Variants in SCHIP1 observed in about 807,000 individuals in gnomAD.
SCHIP1 encodes schwannomin-interacting protein 1.
Under a neutral mutation model 29.7 loss-of-function variants are expected in SCHIP1, and 8 were observed. The observed-to-expected ratio is 0.27, with a 90% CI of 0.16 to 0.49. SCHIP1 has a LOEUF of 0.49. Ranked by LOEUF, SCHIP1 falls within the 20% of genes least tolerant of loss-of-function variation. The pLI is 0.99. For synonymous variants in SCHIP1, 76 were observed against 94.9 expected (o/e 0.80, Z 1.16); for missense variants, 193 against 294.6 (o/e 0.66, Z 2.52).
At chr3:159,491,824 A>C in the SCHIP1 span, among the ~76,000 whole-genome samples, 1 of 152,184 alleles carries the variant, frequency 6.6e-6, no homozygotes, top group Admixed American at 6.5e-5. Flanking sequence ...CCCTGACCCC[A>C]AGTAGCCTAA....
chr3:159,853,571 A>C, intron 1 of SCHIP1: 1 of 502,400 alleles, frequency 2.0e-6, no homozygotes, highest in Non-Finnish European at 3.5e-6. Context: ...GCCATAATAT[A>C]GTCAGGAAAA....
At chr3:159,386,329 T>C in the SCHIP1 span, among the ~76,000 whole-genome samples, 4 of 152,142 alleles carry the variant, frequency 2.6e-5, no homozygotes, top group Non-Finnish European at 5.9e-5. Context: ...ACAAGAGATG[T>C]GAAGGACCTC....
the SCHIP1 span, among the ~76,000 whole-genome samples, chr3:159,776,093 A>G: frequency 4.6e-5 from 7 of 152,220 alleles, no homozygotes; most frequent in African/African-American, 7.2e-5. Flanking sequence ...CTGGTACAGT[A>G]TCATCTTAGA....
chr3:159,785,584 T>G, the SCHIP1 span, among the ~76,000 whole-genome samples: 2 of 151,810 alleles, frequency 1.3e-5, no homozygotes, highest in Non-Finnish European at 2.9e-5. Flanking sequence ...TGTTGGTTTT[T>G]TTTTTTTTTT....
chr3:159,402,817 A>G, the SCHIP1 span, among the ~76,000 whole-genome samples: 1 of 152,108 alleles, frequency 6.6e-6, no homozygotes, highest in African/African-American at 2.4e-5. Context: ...GCATTAGGAG[A>G]TATACCTAAT....
chr3:159,526,878 T>G, the SCHIP1 span, among the ~76,000 whole-genome samples: 4 of 152,178 alleles, frequency 2.6e-5, no homozygotes, highest in Non-Finnish European at 1.5e-5. Context: ...CTGCTCAGTG[T>G]AGACTGGTGG....
At chr3:159,626,105 G>T in the SCHIP1 span, among the ~76,000 whole-genome samples, 4,829 of 109,998 alleles carry the variant, frequency 0.044, 682 homozygotes, top group African/African-American at 0.28. Context: ...TAGATAGATA[G>T]ATAGATAGAT....
the SCHIP1 span, among the ~76,000 whole-genome samples, chr3:159,786,710 C>CTG: frequency 0.015 from 2,184 of 143,192 alleles, 30 homozygotes; most frequent in African/African-American, 0.042. Flanking sequence ...CGCGTGTGCA[C>CTG]TGTGTGTGTG....
At chr3:159,828,930 T>C in the SCHIP1 span, among the ~76,000 whole-genome samples, 12 of 152,190 alleles carry the variant, frequency 7.9e-5, no homozygotes, top group African/African-American at 2.9e-4. Context: ...CAACTTATTT[T>C]TATTTGGAAA....
the SCHIP1 span, among the ~76,000 whole-genome samples, chr3:159,407,405 TAAAG>T: frequency 1.3e-5 from 2 of 152,152 alleles, no homozygotes. Flanking sequence ...TTATTAGAGG[TAAAG>T]AGAGAGATGG....
the SCHIP1 span, among the ~76,000 whole-genome samples, chr3:159,538,597 T>C: frequency 1.3e-5 from 2 of 152,104 alleles, no homozygotes; most frequent in African/African-American, 2.4e-5. Context: ...AACCTTGACA[T>C]AGTGAAAGCA....
upstream of SCHIP1, among the ~76,000 whole-genome samples, chr3:159,837,110 C>CTT (rs373782933): frequency 1.4e-5 from 2 of 145,268 alleles, no homozygotes; most frequent in Admixed American, 6.9e-5. Flanking sequence ...CATGTTTAGA[C>CTT]TTTTTTTTTT....
chr3:159,649,810 A>G, the SCHIP1 span, among the ~76,000 whole-genome samples: 1 of 152,188 alleles, frequency 6.6e-6, no homozygotes, highest in Non-Finnish European at 1.5e-5. Flanking sequence ...TAAAATATGT[A>G]TATGTATAAA....
the SCHIP1 span, among the ~76,000 whole-genome samples, chr3:159,832,646 TCTC>T: frequency 6.6e-6 from 1 of 152,202 alleles, no homozygotes; most frequent in Non-Finnish European, 1.5e-5. Context: ...TGGTTGTTTT[TCTC>T]CTCCGCGTCC....
chr3:159,823,998 G>T, the SCHIP1 span, among the ~76,000 whole-genome samples: 3 of 152,288 alleles, frequency 2.0e-5, no homozygotes, highest in Admixed American at 1.3e-4. Flanking sequence ...AGGATGAAGG[G>T]TATTTTGAAA....
At chr3:159,432,363 G>GGA in the SCHIP1 span, among the ~76,000 whole-genome samples, 8 of 113,408 alleles carry the variant, frequency 7.1e-5, no homozygotes, top group African/African-American at 1.9e-4. Flanking sequence ...AGAGAGAGAG[G>GGA]GAGAGAGAGA....
the SCHIP1 span, among the ~76,000 whole-genome samples, chr3:159,607,408 G>C: frequency 6.6e-6 from 1 of 152,084 alleles, no homozygotes; most frequent in Non-Finnish European, 1.5e-5. Flanking sequence ...TATATCAGTA[G>C]AAAGCTAAAT....
chr3:159,875,401 G>C (rs1455424146), intron 2 of SCHIP1, among the ~76,000 whole-genome samples: 1 of 152,130 alleles, frequency 6.6e-6, no homozygotes, highest in Non-Finnish European at 1.5e-5. Flanking sequence ...TCAATTGCCT[G>C]AGCTATTGCA....
the SCHIP1 span, among the ~76,000 whole-genome samples, chr3:159,509,024 G>A: frequency 6.6e-6 from 1 of 152,272 alleles, no homozygotes; most frequent in African/African-American, 2.4e-5. Flanking sequence ...GGATATCCTT[G>A]TTAACTTTCT....
Sources: allele counts gnomAD v4.1 joint callset (sites outside exome capture counted in the v4.1 genomes callset), GRCh38; gene constraint gnomAD v4.1.1; transcripts MANE v1.5; gene names NCBI Gene and HGNC (gene_info 2026-07-23, HGNC 2026-07-21).